Variants in CATSPERB observed in about 807,000 individuals in gnomAD.
The protein encoded by CATSPERB is cation channel sperm-associated auxiliary subunit beta.
A neutral mutation model predicts 128.3 loss-of-function variants in CATSPERB; 93 were observed. The ratio of observed to expected loss-of-function variants is 0.72; its 90% CI spans 0.61 to 0.86. The LOEUF is 0.86. CATSPERB is among the 40% of genes least tolerant of loss of function. CATSPERB has a pLI of 0.00. For synonymous variants in CATSPERB, 381 were observed against 448.8 expected, an observed-to-expected ratio of 0.85 and a Z score of 1.91; for missense variants, 1,153 against 1,329.5, an observed-to-expected ratio of 0.87 and a Z score of 2.06.
rs148193736 is a variant in CATSPERB at position 91,609,940 on chromosome 14, C to T, written c.2598+540G>A. Among the ~76,000 whole-genome samples the T allele has an allele frequency of 8.5e-5, 13 of 152,168 alleles. No individual in the cohort carries two copies. The East Asian group carries it at 1.5e-3, about 18-fold the overall frequency. On this transcript the variant is annotated intron_variant, in intron 21 of 26. Coordinates refer to ENST00000256343, the MANE Select transcript of CATSPERB (RefSeq NM_024764.4). ...TTCTCCATGTTGGTCAGGTTGGTCT[C>T]GATACCCTGACCTCAAGTGATCTGC...
chr14:91,622,896 T>TTC (rs1253292550), intron 18 of CATSPERB, among the ~76,000 whole-genome samples: 7 of 149,790 alleles, frequency 4.7e-5, no homozygotes, highest in Admixed American at 1.3e-4. Context: ...TCAATGACTT[T>TTC]TTTTTTTTTT....
In CATSPERB at chr14:91,608,294, C is replaced by T; in HGVS notation, c.2709G>A (p.Lys903=). The part of the protein sequence containing the change: ...PIPRNMFHMS[K]KTGKFKQCAN... ...GATTATTTGTAAAAAAGTTATTTAC[C>T]TTTGACATGTGAAACATGTTTCTTG... Residue 903 remains lysine, a splice_region_variant and synonymous_variant, in exon 22 of 27, where the codon AAG becomes AAA. Coordinates refer to ENST00000256343, the MANE Select transcript of CATSPERB (RefSeq NM_024764.4). The T allele has an allele frequency of 1.3e-6, 2 of 1,577,952 alleles. No individual in the cohort carries two copies. The highest frequency in any genetic ancestry group is 1.7e-6 in the Non-Finnish European group (2 of 1,150,596).
intron 26 of CATSPERB, among the ~76,000 whole-genome samples, chr14:91,586,273 G>C (rs538898032): frequency 6.6e-6 from 1 of 152,288 alleles, no homozygotes; most frequent in Non-Finnish European, 1.5e-5. Context: ...AGAAAGTGGA[G>C]CTTCTATGAG....
At chr14:91,708,535 G>C (rs1416786426) in intron 5 of CATSPERB, among the ~76,000 whole-genome samples, 1 of 152,148 alleles carries the variant, frequency 6.6e-6, no homozygotes, top group Non-Finnish European at 1.5e-5. Flanking sequence ...GACTCTTCTT[G>C]TGAAGCAGAC....
intron 11 of CATSPERB, among the ~76,000 whole-genome samples, chr14:91,675,317 G>A (rs1248385842): frequency 6.6e-6 from 1 of 152,214 alleles, no homozygotes; most frequent in Non-Finnish European, 1.5e-5. Flanking sequence ...TTTAGTCTCA[G>A]GAAATCTCCC....
At chr14:91,636,703 G>A in intron 16 of CATSPERB, 124 bp from the exon 17 acceptor site, 1 of 817,882 alleles carries the variant, frequency 1.2e-6, no homozygotes, top group Non-Finnish European at 1.9e-6. Context: ...ATCAATTGGA[G>A]AAATAAGTCA....
At chr14:91,679,318 T>A (rs1435318254) in intron 11 of CATSPERB, among the ~76,000 whole-genome samples, 3 of 152,098 alleles carry the variant, frequency 2.0e-5, no homozygotes, top group Admixed American at 6.6e-5. Flanking sequence ...ATTCTGTAAG[T>A]TGTGTTCTTA....
At chr14:91,648,202 T>A (rs959237640) in intron 15 of CATSPERB, among the ~76,000 whole-genome samples, 1 of 152,200 alleles carries the variant, frequency 6.6e-6, no homozygotes, top group African/African-American at 2.4e-5. Context: ...TATCAACATA[T>A]CACTTGGCCA....
intron 20 of CATSPERB, among the ~76,000 whole-genome samples, chr14:91,616,050 T>G (rs890569059): frequency 6.6e-6 from 1 of 152,092 alleles, no homozygotes; most frequent in Non-Finnish European, 1.5e-5. Context: ...TGGCTAATCT[T>G]TTGTATTTTT....
At chr14:91,681,218 A>G (rs941165945) in intron 11 of CATSPERB, among the ~76,000 whole-genome samples, 1 of 152,220 alleles carries the variant, frequency 6.6e-6, no homozygotes, top group Non-Finnish European at 1.5e-5. Flanking sequence ...AATGGAGAAC[A>G]AACTTACTTT....
intron 15 of CATSPERB, chr14:91,646,214 G>C (rs543915656): frequency 3.8e-4 from 60 of 157,780 alleles, no homozygotes; most frequent in Non-Finnish European, 5.7e-4. Context: ...GTTCCTATTC[G>C]GCCATCTTGG....
intron 22 of CATSPERB, chr14:91,604,448 T>A: frequency 6.8e-7 from 1 of 1,463,946 alleles, no homozygotes; most frequent in South Asian, 1.1e-5. Context: ...TAGGAATAAA[T>A]CCACAGCTTG....
chr14:91,631,568 G>A (rs938104041), intron 17 of CATSPERB, among the ~76,000 whole-genome samples: 1 of 152,142 alleles, frequency 6.6e-6, no homozygotes, highest in Admixed American at 6.5e-5. Context: ...GGGAAGCTGA[G>A]GCAGGAGAAT....
chr14:91,680,435 T>C (rs1411090582), intron 11 of CATSPERB, among the ~76,000 whole-genome samples: 1 of 152,362 alleles, frequency 6.6e-6, no homozygotes, highest in Middle Eastern at 3.4e-3. Context: ...GTATAACTAA[T>C]TGCTACAAGC....
At chr14:91,652,639 C>A (rs1172485671) in intron 15 of CATSPERB, among the ~76,000 whole-genome samples, 1 of 129,344 alleles carries the variant, frequency 7.7e-6, no homozygotes, top group African/African-American at 3.0e-5. Flanking sequence ...CCACTGCACC[C>A]CAGTCTGAGC....
intron 14 of CATSPERB, among the ~76,000 whole-genome samples, chr14:91,664,246 G>A (rs924100910): frequency 9.4e-4 from 134 of 142,552 alleles, no homozygotes; most frequent in African/African-American, 3.3e-3. Context: ...ATGCATTTAA[G>A]CTTCTTCCAT....
Position 91,659,056 on chromosome 14 carries a change from G to T in CATSPERB, c.1432+781C>A, listed in dbSNP as rs534226408. On this transcript the variant is annotated intron_variant, in intron 15 of 26. Coordinates refer to ENST00000256343, the MANE Select transcript of CATSPERB (RefSeq NM_024764.4). ...TTAACTGTTTTGAGATTTGCTAAAG[G>T]GTTCAAAATTACAGCCAGATAGGAA... 2.0e-5 allele frequency among the ~76,000 whole-genome samples: 3 copies of T among 151,992 alleles called. No homozygotes were observed. The South Asian group carries it at 6.2e-4, about 32-fold the overall frequency.
intron 9 of CATSPERB, 94 bp from the exon 10 acceptor site, chr14:91,691,649 A>G: frequency 2.0e-6 from 2 of 977,748 alleles, no homozygotes; most frequent in Non-Finnish European, 3.1e-6. Flanking sequence ...AATAAACCAT[A>G]TAAATTCGTT....
At chr14:91,617,107 C>A (rs184206824) in intron 20 of CATSPERB, among the ~76,000 whole-genome samples, 1 of 151,958 alleles carries the variant, frequency 6.6e-6, no homozygotes, top group Non-Finnish European at 1.5e-5. Context: ...ACATATAAAG[C>A]GATAAAAAGG....
Sources: allele counts gnomAD v4.1 joint callset (sites outside exome capture counted in the v4.1 genomes callset), GRCh38; gene constraint gnomAD v4.1.1; transcripts MANE v1.5; gene names NCBI Gene and HGNC (gene_info 2026-07-23, HGNC 2026-07-21).